The following TULP4 variants were observed in gnomAD, a reference collection of about 807,000 sequenced individuals.
TULP4 encodes the protein TUB like protein 4.
In TULP4, 16 loss-of-function variants were observed where a neutral mutation model predicts 129.0. The ratio of observed to expected loss-of-function variants is 0.12; its 90% CI spans 0.08 to 0.19. The LOEUF is 0.19. Ranked by LOEUF, TULP4 falls within the 10% of genes least tolerant of loss-of-function variation. The pLI is 1.00. For missense variants in TULP4, 1,842 were observed against 2,059.1 expected, an observed-to-expected ratio of 0.89 and a Z score of 2.04; for synonymous variants, 998 against 854.0, an observed-to-expected ratio of 1.17 and a Z score of -2.94.
At chr6:158,294,771 C>T (rs1231646482) in intron 1 of TULP4, among the ~76,000 whole-genome samples, 1 of 152,046 alleles carries the variant, frequency 6.6e-6, no homozygotes, top group African/African-American at 2.4e-5. Flanking sequence ...GCTCCTGTTT[C>T]CCAGGCCTGG....
chr6:158,443,950 T>A (rs570771181), intron 3 of TULP4, among the ~76,000 whole-genome samples: 2 of 152,066 alleles, frequency 1.3e-5, no homozygotes, highest in African/African-American at 2.4e-5. Flanking sequence ...CCGGGTGCGG[T>A]GGCTCACGCC....
chr6:158,427,470 C>CTTTTTTTTTTTTTTTTTTTTTTTT (rs1251385882), intron 2 of TULP4, among the ~76,000 whole-genome samples: 2 of 100,678 alleles, frequency 2.0e-5, no homozygotes, highest in Non-Finnish European at 3.9e-5. Context: ...AATTATCAGA[C>CTTTTTTTTTTTTTTTTTTTTTTTT]CTTTTTTTTT....
At chr6:158,235,490 T>C (rs537603310) in intron 1 of TULP4, among the ~76,000 whole-genome samples, 33 of 152,334 alleles carry the variant, frequency 2.2e-4, no homozygotes, top group Non-Finnish European at 2.8e-4. Flanking sequence ...TGTTATAGCA[T>C]GTGTCAGCAT....
At chr6:158,314,725 C>T (rs1431805554) in intron 1 of TULP4, among the ~76,000 whole-genome samples, 10 of 152,192 alleles carry the variant, frequency 6.6e-5, no homozygotes, top group South Asian at 2.1e-4. Context: ...TTAACATCTA[C>T]GTTCCTTTGG....
chr6:158,355,574 A>T (rs1780628031), intron 1 of TULP4, among the ~76,000 whole-genome samples: 1 of 152,144 alleles, frequency 6.6e-6, no homozygotes, highest in Admixed American at 6.5e-5. Flanking sequence ...GGAGGGGAGG[A>T]GGGACTGGGA....
At chr6:158,455,059 T>TAATTATTACCTAACTAGATATCTAAATC (rs1562573433) in intron 5 of TULP4, among the ~76,000 whole-genome samples, 2 of 24,402 alleles carry the variant, frequency 8.2e-5, no homozygotes, top group Non-Finnish European at 1.4e-4. Context: ...TTTAACATTT[T>TAATTATTACCTAACTAGATATCTAAATC]TTTTTTTTTT....
chr6:158,243,065 ACGTGAGCCAC>A (rs1777955212), intron 1 of TULP4, among the ~76,000 whole-genome samples: 1 of 152,046 alleles, frequency 6.6e-6, no homozygotes, highest in African/African-American at 2.4e-5. Context: ...GGGATTGCAG[ACGTGAGCCAC>A]CGCACCCGGC....
At chr6:158,453,956 A>G (rs981029953) in intron 5 of TULP4, among the ~76,000 whole-genome samples, 1 of 152,068 alleles carries the variant, frequency 6.6e-6, no homozygotes, top group Non-Finnish European at 1.5e-5. Flanking sequence ...CCGTCTCAAA[A>G]AAAAAAAGAA....
At chr6:158,317,058 CA>C (rs1283633701) in intron 1 of TULP4, among the ~76,000 whole-genome samples, 3 of 152,182 alleles carry the variant, frequency 2.0e-5, no homozygotes, top group African/African-American at 4.8e-5. Context: ...GTGTGCATAC[CA>C]GGGGGTGTGG....
At chr6:158,254,582 C>T (rs549011879) in intron 1 of TULP4, among the ~76,000 whole-genome samples, 6 of 152,334 alleles carry the variant, frequency 3.9e-5, no homozygotes, top group South Asian at 2.1e-4. Flanking sequence ...ATAATCATTG[C>T]TTACTTATGT....
chr6:158,502,535 C>A lies in TULP4; in HGVS notation c.2872C>A (p.Pro958Thr). The A allele has an allele frequency of 6.2e-7, 1 of 1,610,482 alleles. No homozygotes were observed. The highest frequency in any genetic ancestry group is 8.5e-7 in the Non-Finnish European group (1 of 1,179,950). ...TCGCTACTCCATCCCCACCGGGGAC[C>A]CACCCCCGTATCCTGAAATTGCCAG... ...VPRYSIPTGD[P>T]PPYPEIASQL... Residue 958 changes from proline (P) to threonine (T), a missense_variant, in exon 13 of 14, where the codon CCA becomes ACA. Coordinates refer to ENST00000367097, the MANE Select transcript of TULP4 (RefSeq NM_020245.5).
Position 158,502,435 on chromosome 6 carries a change from C to G in TULP4, c.2772C>G (p.Thr924=). The G allele has an allele frequency of 6.2e-7, 1 of 1,613,716 alleles. No individual in the cohort carries two copies. The highest frequency in any genetic ancestry group is 1.1e-5 in the South Asian group (1 of 91,068). The stretch of plus-strand genomic sequence containing the variant: ...TCCCCGGCCCGGGTAGCTCTGCCAC[C>G]TTGAGGCTCACGGCCACTGAGAAGA... ...YTLPGPGSSA[T]LRLTATEKKV... is the part of the protein sequence containing the mutation. The change falls in exon 13 of 14, where the codon ACC becomes ACG. Residue 924 remains threonine, a synonymous_variant. Transcript: ENST00000367097.
intron 2 of TULP4, among the ~76,000 whole-genome samples, chr6:158,416,577 T>C (rs1180556446): frequency 1.3e-5 from 2 of 152,218 alleles, no homozygotes; most frequent in African/African-American, 4.8e-5. Context: ...GTATCAAACT[T>C]CTTGAAAAAC....
intron 1 of TULP4, among the ~76,000 whole-genome samples, chr6:158,369,153 T>C (rs1777013831): frequency 1.3e-5 from 2 of 152,180 alleles, no homozygotes; most frequent in Non-Finnish European, 2.9e-5. Flanking sequence ...TGTTATAATG[T>C]CTTACAGGGA....
chr6:158,400,662 GT>G (rs1391850002), intron 1 of TULP4, among the ~76,000 whole-genome samples: 1 of 152,062 alleles, frequency 6.6e-6, no homozygotes, highest in Admixed American at 6.5e-5. Context: ...TGCTTAATTT[GT>G]TTTATTTTCA....
chr6:158,245,132 C>A (rs544494296), intron 1 of TULP4, among the ~76,000 whole-genome samples: 1 of 151,540 alleles, frequency 6.6e-6, no homozygotes, highest in South Asian at 2.1e-4. Flanking sequence ...GGACTACGGG[C>A]ACATATCACC....
intron 1 of TULP4, among the ~76,000 whole-genome samples, chr6:158,262,107 C>G (rs1045223456): frequency 6.6e-6 from 1 of 152,204 alleles, no homozygotes; most frequent in Non-Finnish European, 1.5e-5. Flanking sequence ...GGGTAGAGGG[C>G]TGGCAGTCTC....
chr6:158,467,678 A>T (rs1255808453), intron 6 of TULP4, among the ~76,000 whole-genome samples: 1 of 152,196 alleles, frequency 6.6e-6, no homozygotes, highest in Non-Finnish European at 1.5e-5. Flanking sequence ...GGATAAAGTT[A>T]AAAAATTCAT....
chr6:158,269,796 A>G (rs1390378202), intron 1 of TULP4, among the ~76,000 whole-genome samples: 2 of 152,232 alleles, frequency 1.3e-5, no homozygotes, highest in Non-Finnish European at 2.9e-5. Context: ...TCTTCCCAAC[A>G]TTCCTACTTC....
Sources: allele counts gnomAD v4.1 joint callset (sites outside exome capture counted in the v4.1 genomes callset), GRCh38; gene constraint gnomAD v4.1.1; transcripts MANE v1.5; gene names NCBI Gene and HGNC (gene_info 2026-07-23, HGNC 2026-07-21).